The following CYB5RL variants were observed in gnomAD, a reference collection of about 807,000 sequenced individuals.
CYB5RL encodes cytochrome b5 reductase like.
In CYB5RL, 38 loss-of-function variants were observed where a neutral mutation model predicts 37.5. The observed-to-expected ratio is 1.01, with a 90% CI of 0.78 to 1.33. The LOEUF is 1.33. Among genes scored for constraint, CYB5RL ranks in the 40% most tolerant of loss-of-function variants. The pLI, the probability that CYB5RL is intolerant of heterozygous loss-of-function variation, is 0.00. For synonymous variants in CYB5RL, 141 were observed against 151.9 expected (o/e 0.93, Z 0.53); for missense variants, 388 against 394.4 (o/e 0.98, Z 0.14).
intron 6 of CYB5RL, among the ~76,000 whole-genome samples, chr1:54,180,729 A>C (rs574988936): frequency 6.6e-6 from 1 of 152,276 alleles, no homozygotes; most frequent in East Asian, 1.9e-4. Flanking sequence ...ATAAATCCCC[A>C]ACCATGTGAT....
At chr1:54,188,691 AG>A (rs1186073208) in intron 4 of CYB5RL, among the ~76,000 whole-genome samples, 1 of 152,230 alleles carries the variant, frequency 6.6e-6, no homozygotes, top group Non-Finnish European at 1.5e-5. Context: ...TCACTTGCAC[AG>A]CTCAAATTCA....
chr1:54,185,041 A>G (rs1461118540), intron 5 of CYB5RL: 1 of 152,250 alleles, frequency 6.6e-6, no homozygotes, highest in Admixed American at 6.5e-5. Context: ...CTTAAGCTCC[A>G]TGAAGGCAGC....
intron 4 of CYB5RL, among the ~76,000 whole-genome samples, chr1:54,189,967 T>C (rs1643934660): frequency 6.6e-6 from 1 of 152,228 alleles, no homozygotes; most frequent in African/African-American, 2.4e-5. Context: ...TTTGGTCCTG[T>C]GCGCCTTTCT....
At chr1:54,197,585 ATG>A (rs1244745334) in intron 1 of CYB5RL, among the ~76,000 whole-genome samples, 1 of 152,050 alleles carries the variant, frequency 6.6e-6, no homozygotes, top group African/African-American at 2.4e-5. Flanking sequence ...GATGAGTCAG[ATG>A]TGAGTTTGTT....
At chr1:54,190,337 G>T (rs753018844) in intron 4 of CYB5RL, among the ~76,000 whole-genome samples, 10 of 152,170 alleles carry the variant, frequency 6.6e-5, no homozygotes, top group Non-Finnish European at 1.3e-4. Context: ...ATCATATTAG[G>T]TTCATACCAC....
chr1:54,194,756 G>C (rs187340419), intron 3 of CYB5RL, among the ~76,000 whole-genome samples: 341 of 152,376 alleles, frequency 2.2e-3, no homozygotes, highest in African/African-American at 7.9e-3. Context: ...TGGGAAGACT[G>C]TTCAGATGCG....
At chr1:54,189,540 G>A (rs1643931454) in intron 4 of CYB5RL, among the ~76,000 whole-genome samples, 1 of 152,144 alleles carries the variant, frequency 6.6e-6, no homozygotes, top group Admixed American at 6.5e-5. Flanking sequence ...GAGGCGATGT[G>A]GTACCTCAGA....
intron 5 of CYB5RL, chr1:54,185,420 CA>C (rs1373244430): frequency 1.3e-5 from 2 of 152,234 alleles, no homozygotes; most frequent in African/African-American, 4.8e-5. Flanking sequence ...TTGGGAATAG[CA>C]AGTGAACATG....
At position 54,197,047 on chromosome 1, in the gene CYB5RL, CAAG is replaced by C. The variant is rs1193009515; in HGVS notation, c.-222-559_-222-557del. ...TTGGGTTTTGGGTAGACAGAAGGCT[CAAG>C]AAGAAGTTGAGTTTTAAGGGAAAGA... On this transcript the variant is annotated intron_variant, in intron 1 of 7. Coordinates refer to ENST00000534324, the MANE Select transcript of CYB5RL (RefSeq NM_001031672.4). 1.4e-4 allele frequency among the ~76,000 whole-genome samples: 22 copies of C among 152,070 alleles called. 1 individual carries two copies. The highest frequency in any genetic ancestry group is 5.9e-5 in the Non-Finnish European group (4 of 68,022).
In CYB5RL at chr1:54,171,746, A is replaced by G. The variant is rs1304197106; in HGVS notation, c.*2873T>C. Reference sequence around the variant, plus strand: ...ACGCCTCCCACAACACGCAGTGGGCATCATCAGAGGAACAGCAGCTGATGG... The same window carrying G: ...ACGCCTCCCACAACACGCAGTGGGCGTCATCAGAGGAACAGCAGCTGATGG... On this transcript the variant is annotated 3_prime_UTR_variant, in exon 8 of 8. Transcript: ENST00000534324. 1 of 321,544 alleles carries G rather than the reference A, an allele frequency of 3.1e-6. No individual in the cohort carries two copies. The highest frequency in any genetic ancestry group is 6.2e-6 in the Non-Finnish European group (1 of 162,338). 19.9% of individuals were successfully genotyped at this position (321,544 alleles called of 1,614,324 possible).
rs1659883272 is a variant in CYB5RL, at chr1:54,171,203, T to C, written c.*3416A>G. The C allele has an allele frequency of 2.2e-6, 1 of 454,500 alleles. No individual in the cohort carries two copies. Among genetic ancestry groups the C allele is most frequent in the African/African-American group, 2.0e-5 (1 of 49,442 alleles). The allele number at this position is 454,500 out of a possible 1,614,324, so 28.2% of individuals were successfully genotyped here. The stretch of plus-strand genomic sequence containing the variant: ...AAAAGGTGAGTGGGAGATCGGAAGG[T>C]GGGAGGCTGGCCAGGCAGAGGAAGC... On this transcript the variant is annotated 3_prime_UTR_variant, in exon 8 of 8. Coordinates refer to ENST00000534324, the MANE Select transcript of CYB5RL (RefSeq NM_001031672.4).
At chr1:54,191,591 T>C (rs1643954976) in intron 3 of CYB5RL, among the ~76,000 whole-genome samples, 2 of 152,194 alleles carry the variant, frequency 1.3e-5, no homozygotes, top group African/African-American at 4.8e-5. Flanking sequence ...GACTCACAGA[T>C]CTTTCTTTCC....
Position 54,174,241 on chromosome 1 carries a change from C to T in CYB5RL, c.*378G>A, listed in dbSNP as rs2100454282. ...TGGTGCTGAGGCCACAGTTGGAGCC[C>T]CCATTAGATCCTCTAATCGGAGGGG... On this transcript the variant is annotated 3_prime_UTR_variant, in exon 8 of 8. Transcript: ENST00000534324. 1 of 272,072 alleles carries T rather than the reference C, an allele frequency of 3.7e-6. No homozygotes were observed. The highest frequency in any genetic ancestry group is 8.0e-5 in the East Asian group (1 of 12,498). The allele number at this position is 272,072 out of a possible 1,614,324, so 16.9% of individuals were successfully genotyped here. A position where few individuals can be genotyped will look rare whatever the true frequency, so the allele number is the denominator to read the frequency against.
At position 54,192,957 on chromosome 1, in the gene CYB5RL, G is replaced by A. The variant is rs1034069281; in HGVS notation, c.199-2061C>T. Among the ~76,000 whole-genome samples, 3 of 152,156 alleles carry A rather than the reference G, an allele frequency of 2.0e-5. No homozygotes were observed. In the South Asian group the frequency reaches 6.2e-4, roughly 32 times the overall value. On this transcript the variant is annotated intron_variant, in intron 3 of 7. Coordinates refer to ENST00000534324, the MANE Select transcript of CYB5RL (RefSeq NM_001031672.4). ...TGTAGTAGAGACAGGGTTTCACCAT[G>A]TTGGCCAGGCTGGTCTTGAACTCCT... is the stretch of plus-strand genomic sequence containing the variant.
chr1:54,195,533 G>A lies in CYB5RL; in HGVS notation c.84C>T (p.Cys28=). The change falls in exon 3 of 8, where the codon TGC becomes TGT. Residue 28 remains cysteine, a synonymous_variant. Transcript: ENST00000534324. ...LRPTEPLPSQ[C]CGSGCSPCVF... Reference sequence around the variant, plus strand: ...CACAGGGTGAGCAGCCACTGCCGCAGCACTGGGAAGGCAAGGGTTCTGTGG... The same window carrying A: ...CACAGGGTGAGCAGCCACTGCCGCAACACTGGGAAGGCAAGGGTTCTGTGG... 6.2e-7 allele frequency: 1 copy of A among 1,613,770 alleles called. No individual in the cohort carries two copies. Among genetic ancestry groups the A allele is most frequent in the Non-Finnish European group, 8.5e-7 (1 of 1,179,790 alleles).
intron 7 of CYB5RL, among the ~76,000 whole-genome samples, chr1:54,177,775 C>G (rs539399460): frequency 6.6e-6 from 1 of 152,314 alleles, no homozygotes; most frequent in South Asian, 2.1e-4. Flanking sequence ...AAGGGGAGTC[C>G]TTTTCAGCCG....
Position 54,171,662 on chromosome 1 carries a change from T to C in CYB5RL, c.*2957A>G. On this transcript the variant is annotated 3_prime_UTR_variant, in exon 8 of 8. Transcript: ENST00000534324. ...GACACCTGGTTGACCTCTTGATGCC[T>C]GCGTATCATGTCTAGCTCCTAAGTC... The C allele has an allele frequency of 2.9e-6, 1 of 350,148 alleles. No homozygotes were observed. The highest frequency in any genetic ancestry group is 5.6e-6 in the Non-Finnish European group (1 of 177,008). 21.7% of individuals were successfully genotyped at this position (350,148 alleles called of 1,614,324 possible).
intron 3 of CYB5RL, among the ~76,000 whole-genome samples, chr1:54,193,232 A>G (rs945108584): frequency 1.3e-5 from 2 of 152,260 alleles, no homozygotes; most frequent in African/African-American, 4.8e-5. Flanking sequence ...CTGTAATGCC[A>G]GGAACTACTC....
intron 1 of CYB5RL, among the ~76,000 whole-genome samples, chr1:54,197,182 G>C (rs1022484069): frequency 1.3e-5 from 2 of 152,184 alleles, no homozygotes; most frequent in African/African-American, 4.8e-5. Context: ...TGGAGATGGA[G>C]GGACAGTGAA....
Sources: allele counts gnomAD v4.1 joint callset (sites outside exome capture counted in the v4.1 genomes callset), GRCh38; gene constraint gnomAD v4.1.1; transcripts MANE v1.5; gene names NCBI Gene and HGNC (gene_info 2026-07-23, HGNC 2026-07-21).